The following FRMD4A variants were observed in gnomAD, a reference collection of about 807,000 sequenced individuals.
The protein encoded by FRMD4A is FERM domain-containing protein 4A.
FRMD4A carries 29 observed loss-of-function variants against 129.1 expected under a neutral mutation model. The ratio of observed to expected loss-of-function variants is 0.22; its 90% confidence interval spans 0.17 to 0.31. The LOEUF (loss-of-function observed/expected upper bound fraction) is 0.31, where lower values mean the gene tolerates loss of function less well. Among genes scored for constraint, FRMD4A ranks in the 10% least tolerant of loss-of-function variants. The probability of loss-of-function intolerance (pLI) is 1.00; values close to 1 mark genes in which losing one functional copy is unlikely to be tolerated. For missense variants in FRMD4A, 1,272 were observed against 1,375.8 expected (o/e 0.92, Z 1.19); for synonymous variants, 634 against 571.6 (o/e 1.11, Z -1.56).
At chr10:14,325,469 G>T (rs540273392) in intron 2 of FRMD4A, among the ~76,000 whole-genome samples, 4 of 152,286 alleles carry the variant, frequency 2.6e-5, no homozygotes, top group African/African-American at 9.6e-5. Context: ...CCTCAAATCT[G>T]CTCTCTTAAC....
chr10:13,858,512 C>A (rs1326887981), intron 3 of FRMD4A, among the ~76,000 whole-genome samples: 1 of 152,214 alleles, frequency 6.6e-6, no homozygotes, highest in African/African-American at 2.4e-5. Flanking sequence ...AAGACTAAAT[C>A]AATTTTAGTT....
At chr10:13,714,049 T>A (rs1438551394) in intron 12 of FRMD4A, among the ~76,000 whole-genome samples, 1 of 25,786 alleles carries the variant, frequency 3.9e-5, no homozygotes, top group Non-Finnish European at 7.6e-5. Flanking sequence ...TATATATATA[T>A]ATATATATAT....
chr10:14,044,766 G>A (rs1833917376), intron 2 of FRMD4A, among the ~76,000 whole-genome samples: 1 of 152,198 alleles, frequency 6.6e-6, no homozygotes, highest in Non-Finnish European at 1.5e-5. Flanking sequence ...TGTTATGGGA[G>A]GCTTAAGAAA....
At chr10:14,170,104 A>T (rs1031264926) in intron 2 of FRMD4A, among the ~76,000 whole-genome samples, 7 of 152,212 alleles carry the variant, frequency 4.6e-5, no homozygotes, top group Non-Finnish European at 7.3e-5. Flanking sequence ...ACTCTATACT[A>T]ATTGCCCTAA....
chr10:13,654,183 G>T, intron 23 of FRMD4A: 1 of 575,810 alleles, frequency 1.7e-6, no homozygotes, highest in South Asian at 2.3e-5. Flanking sequence ...CACATCCCAA[G>T]GACCACCGCC....
At chr10:13,824,736 T>C (rs527496563) in intron 3 of FRMD4A, among the ~76,000 whole-genome samples, 16 of 150,192 alleles carry the variant, frequency 1.1e-4, no homozygotes, top group African/African-American at 3.9e-4. Context: ...CTACTAAAAA[T>C]ACAAAAAAAT....
chr10:13,772,486 C>A (rs907224298), intron 6 of FRMD4A, among the ~76,000 whole-genome samples: 1 of 152,134 alleles, frequency 6.6e-6, no homozygotes, highest in Non-Finnish European at 1.5e-5. Flanking sequence ...ACAACTCTGA[C>A]TGGACAGAGG....
chr10:13,734,372 A>T (rs757147388), intron 12 of FRMD4A, among the ~76,000 whole-genome samples: 12 of 152,284 alleles, frequency 7.9e-5, no homozygotes, highest in Non-Finnish European at 1.6e-4. Flanking sequence ...CTCAGCTTCA[A>T]ATAGACCGCG....
chr10:14,079,597 A>G (rs1835811127), intron 2 of FRMD4A, among the ~76,000 whole-genome samples: 1 of 152,232 alleles, frequency 6.6e-6, no homozygotes, highest in Non-Finnish European at 1.5e-5. Flanking sequence ...CTTTTAGGCA[A>G]CACATTTACC....
At chr10:13,743,374 C>T (rs2091116877) in intron 9 of FRMD4A, among the ~76,000 whole-genome samples, 2 of 152,124 alleles carry the variant, frequency 1.3e-5, no homozygotes, top group African/African-American at 4.8e-5. Context: ...GTGTTTCCTA[C>T]CACGTGACAT....
intron 2 of FRMD4A, among the ~76,000 whole-genome samples, chr10:14,099,456 G>A (rs1320213833): frequency 6.6e-6 from 1 of 152,190 alleles, no homozygotes; most frequent in Non-Finnish European, 1.5e-5. Context: ...ATCCCTCGGG[G>A]TATGGAGAGG....
chr10:14,327,692 C>T (rs980574468), intron 2 of FRMD4A, among the ~76,000 whole-genome samples: 1 of 152,198 alleles, frequency 6.6e-6, no homozygotes, highest in African/African-American at 2.4e-5. Context: ...CAGATCATCT[C>T]CCCACCTACC....
intron 6 of FRMD4A, among the ~76,000 whole-genome samples, chr10:13,772,200 T>A (rs376847410): frequency 1.5e-4 from 20 of 130,332 alleles, no homozygotes; most frequent in African/African-American, 5.2e-4. Context: ...TATATAATAA[T>A]AAATATTTAT....
chr10:13,885,824 A>C (rs1227697033), intron 2 of FRMD4A, among the ~76,000 whole-genome samples: 1 of 152,152 alleles, frequency 6.6e-6, no homozygotes, highest in Non-Finnish European at 1.5e-5. Context: ...CAGCCCAATA[A>C]AAGGGGATTG....
At chr10:13,994,542 A>G (rs1011163446) in intron 2 of FRMD4A, among the ~76,000 whole-genome samples, 1 of 152,078 alleles carries the variant, frequency 6.6e-6, no homozygotes, top group Non-Finnish European at 1.5e-5. Flanking sequence ...GGCTGGTCTC[A>G]AACTCCTGAC....
chr10:13,701,462 T>C lies in FRMD4A; in HGVS notation c.853A>G (p.Arg285Gly). The change falls in exon 14 of 25, where the codon AGG becomes GGG. Residue 285 changes from arginine (R) to glycine (G), a missense_variant. Around this residue, in one of 2 missense-constraint regions of FRMD4A, gnomAD observed 300 missense variants for 483.6 expected, o/e 0.62. Coordinates refer to ENST00000357447, the MANE Select transcript of FRMD4A (RefSeq NM_018027.5). ...GCAATGCCGCTGTGCCCAAACGTCC[T>C]CCTTGTCACTGAAGCCCTGGGGAAG... is the stretch of plus-strand genomic sequence containing the variant. ...HDPRRASVTR[R>G]TFGHSGIAVH... is the part of the protein sequence containing the mutation. 1 of 1,613,646 alleles carries C rather than the reference T, an allele frequency of 6.2e-7. No individual in the cohort carries two copies. The highest frequency in any genetic ancestry group is 8.5e-7 in the Non-Finnish European group (1 of 1,179,716).
At chr10:13,714,099 C>T (rs186262554) in intron 12 of FRMD4A, among the ~76,000 whole-genome samples, 46 of 105,966 alleles carry the variant, frequency 4.3e-4, no homozygotes, top group African/African-American at 1.7e-3. Context: ...TCACTCTATC[C>T]TCCAGGCTGG....
At chr10:13,907,604 C>T (rs1041528428) in intron 2 of FRMD4A, among the ~76,000 whole-genome samples, 2 of 152,158 alleles carry the variant, frequency 1.3e-5, no homozygotes, top group Non-Finnish European at 2.9e-5. Flanking sequence ...CTCCACCTGA[C>T]AGACGAGGAA....
intron 6 of FRMD4A, among the ~76,000 whole-genome samples, chr10:13,780,029 A>G: frequency 6.6e-6 from 1 of 152,054 alleles, no homozygotes; most frequent in East Asian, 1.9e-4. Context: ...TTTCTTTTTT[A>G]AAATGTTCTT....
Sources: gnomAD v4.1 joint callset for allele counts (sites outside exome capture counted in the v4.1 genomes callset) on GRCh38, gnomAD v4.1.1 for gene constraint, gnomAD v4.1.1 regional missense constraint, MANE v1.5 for transcripts, NCBI Gene and HGNC (gene_info 2026-07-23, HGNC 2026-07-21) for gene names.